The following CARD8 variants were observed in gnomAD, a reference collection of about 807,000 sequenced individuals.
CARD8 encodes the protein caspase recruitment domain-containing protein 8.
In CARD8, 38 loss-of-function variants were observed where a neutral mutation model predicts 53.2. That is an observed-to-expected ratio of 0.71 (90% CI 0.55 to 0.94). The LOEUF is 0.94. Among genes scored for constraint, CARD8 ranks in the 40% least tolerant of loss-of-function variants. The probability of loss-of-function intolerance (pLI) is 0.00; values close to 1 mark genes in which losing one functional copy is unlikely to be tolerated. For missense variants in CARD8, 561 were observed against 655.5 expected (o/e 0.86, Z 1.57); for synonymous variants, 245 against 244.9 (o/e 1.00, Z 0.00).
At position 48,243,611 on chromosome 19, in the gene CARD8, G is replaced by A. The variant is rs540070666; in HGVS notation, c.-43-2548C>T. Among the ~76,000 whole-genome samples, 16 of 152,006 alleles carry A rather than the reference G, an allele frequency of 1.1e-4. No individual in the cohort carries two copies. In the East Asian group the frequency reaches 1.4e-3, roughly 13 times the overall value. On this transcript the variant is annotated intron_variant, in intron 3 of 13. Transcript: ENST00000651546. ...AACACTTTTCTTTTACTTAAGTATC[G>A]TTATTCCAGAGTTAATATAGTATGC...
At chr19:48,227,900 C>A (rs577270917) in intron 10 of CARD8, among the ~76,000 whole-genome samples, 1 of 152,136 alleles carries the variant, frequency 6.6e-6, no homozygotes, top group Admixed American at 6.5e-5. Flanking sequence ...ACACCCGGGC[C>A]GCAGACCAGT....
At chr19:48,228,524 G>A (rs368599623) in intron 10 of CARD8, among the ~76,000 whole-genome samples, 1 of 152,194 alleles carries the variant, frequency 6.6e-6, no homozygotes, top group African/African-American at 2.4e-5. Context: ...CTAAGGAAGG[G>A]TGGCAAGGTC....
chr19:48,222,294 G>A (rs1170718089), intron 10 of CARD8, among the ~76,000 whole-genome samples: 2 of 152,144 alleles, frequency 1.3e-5, no homozygotes, highest in East Asian at 1.9e-4. Flanking sequence ...ACTTCTCTCC[G>A]TCACAGGGCT....
rs2123713260 is a variant in CARD8 at position 48,210,129 on chromosome 19, A to G, written c.*1581T>C. Reference sequence around the variant, plus strand: ...CCTTGAAATCTGACAGAAAAATGACACACTACATACAGGGAAACAACAATT... The same window carrying G: ...CCTTGAAATCTGACAGAAAAATGACGCACTACATACAGGGAAACAACAATT... On this transcript the variant is annotated 3_prime_UTR_variant, in exon 14 of 14. Transcript: ENST00000651546. 6.6e-6 allele frequency: 1 copy of G among 152,316 alleles called. No homozygotes were observed. The highest frequency in any genetic ancestry group is 6.5e-5 in the Admixed American group (1 of 15,300). The allele number at this position is 152,316 out of a possible 1,614,324, so 9.4% of individuals were successfully genotyped here.
At chr19:48,226,324 A>G (rs561824708) in intron 10 of CARD8, among the ~76,000 whole-genome samples, 1 of 152,252 alleles carries the variant, frequency 6.6e-6, no homozygotes, top group South Asian at 2.1e-4. Flanking sequence ...CCTGGGTTCA[A>G]GCAATTCTCA....
chr19:48,225,979 G>A (rs1430962675), intron 10 of CARD8, among the ~76,000 whole-genome samples: 2 of 150,746 alleles, frequency 1.3e-5, no homozygotes, highest in Non-Finnish European at 2.9e-5. Context: ...TTTGAACCTG[G>A]GAGACGGAGG....
chr19:48,237,897 A>G (rs1273364402), intron 5 of CARD8, among the ~76,000 whole-genome samples: 2 of 151,812 alleles, frequency 1.3e-5, no homozygotes, highest in East Asian at 1.9e-4. Context: ...TAATATTGTT[A>G]TTATTTTTTT....
chr19:48,213,403 C>A (rs1205333302), intron 13 of CARD8, among the ~76,000 whole-genome samples: 1 of 152,074 alleles, frequency 6.6e-6, no homozygotes, highest in Non-Finnish European at 1.5e-5. Flanking sequence ...GAGACAAAGT[C>A]TCACTCTTGT....
At chr19:48,219,106 T>C (rs1191015043) in intron 11 of CARD8, 94 bp from the exon 12 acceptor site, 7 of 1,134,458 alleles carry the variant, frequency 6.2e-6, no homozygotes, top group South Asian at 1.3e-5. Context: ...ACCCGTTTCC[T>C]GTGCAATGTC....
intron 3 of CARD8, chr19:48,242,480 G>A (rs2045355474): frequency 6.6e-6 from 1 of 152,170 alleles, no homozygotes. Flanking sequence ...CCTTTGTGAT[G>A]GATTCTTTCA....
In CARD8 at chr19:48,231,709, C is replaced by G. The variant is rs2042925295; in HGVS notation, c.493G>C (p.Glu165Gln). The change falls in exon 8 of 14, where the codon GAA (glutamate) becomes CAA (glutamine). Residue 165 changes from glutamate (E) to glutamine (Q), a missense_variant. Coordinates refer to ENST00000651546, the MANE Select transcript of CARD8 (RefSeq NM_001184900.3). ...DYKNRQFLGP[E>Q]GNVDVELIDK... is the part of the protein sequence containing the mutation. ...ATCAACTCAACATCCACATTTCCTT[C>G]AGGCCCCAGAAACTGACGATTTTTA... 6.2e-7 allele frequency: 1 copy of G among 1,612,760 alleles called. No homozygotes were observed. The highest frequency in any genetic ancestry group is 1.3e-5 in the African/African-American group (1 of 74,906).
At chr19:48,226,843 A>AG (rs879276328) in intron 10 of CARD8, among the ~76,000 whole-genome samples, 2 of 152,210 alleles carry the variant, frequency 1.3e-5, no homozygotes, top group East Asian at 1.9e-4. Flanking sequence ...ATCGAGGCCG[A>AG]GGGGGGCAGA....
downstream of CARD8, chr19:48,204,206 A>G (rs1248810910): frequency 4.4e-6 from 2 of 455,740 alleles, no homozygotes; most frequent in East Asian, 7.0e-5. Flanking sequence ...CTCAGCGCGC[A>G]GGAGGGGGAT....
At chr19:48,206,292 C>A, downstream of CARD8, 1 of 357,282 alleles carries the variant, frequency 2.8e-6, no homozygotes, top group Non-Finnish European at 5.6e-6. Flanking sequence ...TGTATAGTTG[C>A]ATTTCAATAG....
chr19:48,231,797 T>C lies in CARD8; in HGVS notation c.405A>G (p.Ser135=). 2.5e-6 allele frequency: 4 copies of C among 1,613,926 alleles called. No individual in the cohort carries two copies. In the South Asian group the frequency reaches 4.4e-5, roughly 18 times the overall value. ...AAGAGGAAACTATTTGATTCTCTTCTGAGCAAATGTCTCCTGAAAAGAAAA... is the reference window on the plus strand; with the variant it reads ...AAGAGGAAACTATTTGATTCTCTTCCGAGCAAATGTCTCCTGAAAAGAAAA... ...SEGQDSGDIC[S]EENQIVSSYA... The change falls in exon 8 of 14, where the codon TCA becomes TCG. Residue 135 remains serine, a synonymous_variant. Transcript: ENST00000651546.
chr19:48,239,472 CTTTTTTTT>C (rs36029407), intron 4 of CARD8, among the ~76,000 whole-genome samples: 3 of 102,686 alleles, frequency 2.9e-5, no homozygotes, highest in Non-Finnish European at 6.0e-5. Context: ...TCATTTCAGA[CTTTTTTTT>C]TTTTTTTTTT....
intron 6 of CARD8, chr19:48,232,750 CG>C: frequency 1.6e-6 from 1 of 626,992 alleles, no homozygotes. Context: ...GGAACACTCC[CG>C]TCATCACAGA....
chr19:48,206,614 G>C (rs944578494), downstream of CARD8: 31 of 428,566 alleles, frequency 7.2e-5, no homozygotes, highest in African/African-American at 5.7e-4. Context: ...CCTCTAAAGG[G>C]CACCTAGGGG....
Position 48,211,822 on chromosome 19 carries a change from G to C in CARD8, c.1502C>G (p.Ala501Gly). ...QEKTRQSKNE[A>G]LLSMVEKKGD... ...TTTCTTCTCCACCATGCTCAGCAAG[G>C]CCTCATTCTTGCTCTGCCGTGTCTT... The change falls in exon 14 of 14, where the codon GCC becomes GGC. Residue 501 changes from alanine (A) to glycine (G), a missense_variant. Physicochemically the swap from Ala to Gly is moderately conservative, Grantham distance 60. Transcript: ENST00000651546. 6.2e-7 allele frequency: 1 copy of C among 1,614,096 alleles called. No homozygotes were observed. Among genetic ancestry groups the C allele is most frequent in the Non-Finnish European group, 8.5e-7 (1 of 1,180,016 alleles).
Sources: allele counts gnomAD v4.1 joint callset (sites outside exome capture counted in the v4.1 genomes callset), GRCh38; gene constraint gnomAD v4.1.1; transcripts MANE v1.5; gene names NCBI Gene and HGNC (gene_info 2026-07-23, HGNC 2026-07-21).